The following SLC1A7 variants were observed in gnomAD, a reference collection of about 807,000 sequenced individuals.
The protein encoded by SLC1A7 is solute carrier family 1 member 7, also known as excitatory amino acid transporter 5.
Under a neutral mutation model 47.7 loss-of-function variants are expected in SLC1A7, and 40 were observed. The ratio of observed to expected loss-of-function variants is 0.84; its 90% CI spans 0.65 to 1.09. SLC1A7 has a LOEUF of 1.09. Among genes scored for constraint, SLC1A7 ranks in the 50% least tolerant of loss-of-function variants. SLC1A7 has a pLI of 0.00. For missense variants in SLC1A7, 746 were observed against 769.5 expected (o/e 0.97, Z 0.36); for synonymous variants, 323 against 325.6 (o/e 0.99, Z 0.09).
At chr1:53,113,705 T>C (rs1291299003) in intron 3 of SLC1A7, among the ~76,000 whole-genome samples, 1 of 152,100 alleles carries the variant, frequency 6.6e-6, no homozygotes, top group Non-Finnish European at 1.5e-5. Context: ...ATGCCGCTTC[T>C]CTGTATAAAA....
intron 2 of SLC1A7, chr1:53,115,256 T>C: frequency 1.9e-6 from 1 of 521,252 alleles, no homozygotes; most frequent in Non-Finnish European, 3.5e-6. Flanking sequence ...GGGACACTGT[T>C]GGGGGAGTGA....
chr1:53,093,320 A>T, intron 6 of SLC1A7, 141 bp downstream of exon 6: 1 of 683,104 alleles, frequency 1.5e-6, no homozygotes, highest in Non-Finnish European at 2.5e-6. Flanking sequence ...ATGGAAACAC[A>T]TGTAGCTCCG....
At chr1:53,110,671 T>A (rs947714907) in intron 3 of SLC1A7, among the ~76,000 whole-genome samples, 1 of 152,124 alleles carries the variant, frequency 6.6e-6, no homozygotes, top group Non-Finnish European at 1.5e-5. Flanking sequence ...CAAGAAACCA[T>A]GAATCACAGT....
In SLC1A7 at chr1:53,123,849, G is replaced by C. The variant is rs561993743; in HGVS notation, c.216-8876C>G. 7.9e-5 allele frequency among the ~76,000 whole-genome samples: 12 copies of C among 152,334 alleles called. No individual in the cohort carries two copies. In the East Asian group the frequency reaches 2.3e-3, roughly 29 times the overall value. On this transcript the variant is annotated intron_variant, in intron 2 of 10. Transcript: ENST00000371494. ...AGGCAAATCATCTGACTGGGCAGAA[G>C]GGCCAAAGGCAGGTCCCAGGGCTCA...
chr1:53,136,054 A>G (rs112499172), intron 1 of SLC1A7, among the ~76,000 whole-genome samples: 11 of 151,830 alleles, frequency 7.2e-5, no homozygotes, highest in African/African-American at 2.4e-4. Flanking sequence ...GACCCACCCA[A>G]TGTTAACCGC....
chr1:53,089,846 G>A lies in SLC1A7; in HGVS notation c.1315C>T (p.Leu439=). ...ATGAGGGTGATGTCATCGGTGGGCA[G>A]TCCCACGGAGGTGAGCACGATGACC... ...TMVIVLTSVG[L]PTDDITLIIA... Residue 439 remains leucine, a synonymous_variant, in exon 9 of 11, where the codon CTG becomes TTG. Transcript: ENST00000371494. 6.2e-7 allele frequency: 1 copy of A among 1,613,956 alleles called. No individual in the cohort carries two copies. The highest frequency in any genetic ancestry group is 8.5e-7 in the Non-Finnish European group (1 of 1,179,986).
At chr1:53,094,799 C>T (rs1486004609) in intron 5 of SLC1A7, among the ~76,000 whole-genome samples, 3 of 152,234 alleles carry the variant, frequency 2.0e-5, no homozygotes, top group African/African-American at 7.2e-5. Context: ...TGGATTTTCC[C>T]AGGGGCATCC....
chr1:53,129,539 C>T (rs1308398433), intron 2 of SLC1A7, among the ~76,000 whole-genome samples: 1 of 135,294 alleles, frequency 7.4e-6, no homozygotes, highest in Non-Finnish European at 1.7e-5. Flanking sequence ...GGGACTTGGG[C>T]CAGGGGCTGG....
At chr1:53,099,415 C>T (rs1769287) in intron 5 of SLC1A7, among the ~76,000 whole-genome samples, 81,559 of 148,556 alleles carry the variant, frequency 0.55, 26,250 homozygotes, top group Non-Finnish European at 0.72. Context: ...CACCTCAGTA[C>T]GCTCACACAG....
chr1:53,093,962 A>C (rs1644455806), intron 5 of SLC1A7, among the ~76,000 whole-genome samples: 1 of 151,950 alleles, frequency 6.6e-6, no homozygotes, highest in South Asian at 2.1e-4. Context: ...GCCTTCTTTA[A>C]GTTTCTGGAA....
At chr1:53,110,010 C>G (rs1164081051) in intron 3 of SLC1A7, among the ~76,000 whole-genome samples, 1 of 152,210 alleles carries the variant, frequency 6.6e-6, no homozygotes, top group East Asian at 1.9e-4. Flanking sequence ...CTTCCCAAAC[C>G]CACCAGCTTC....
At chr1:53,108,342 T>TATAG (rs1370941995) in intron 3 of SLC1A7, 1 of 554,900 alleles carries the variant, frequency 1.8e-6, no homozygotes, top group Non-Finnish European at 3.2e-6. Flanking sequence ...CTTATACCTA[T>TATAG]ATAGACATTT....
At chr1:53,135,164 A>G (rs1487182284) in intron 1 of SLC1A7, among the ~76,000 whole-genome samples, 3 of 152,186 alleles carry the variant, frequency 2.0e-5, no homozygotes, top group Non-Finnish European at 4.4e-5. Context: ...CTGCCTAGCC[A>G]TGGAATAAAA....
In SLC1A7 at chr1:53,087,685, C is replaced by T; in HGVS notation, c.*324G>A. ...TGAGACCTTGGACAAGTGTTTTCAG[C>T]TCTCAGAGCCTCAAGTCTGTCATCC... On this transcript the variant is annotated 3_prime_UTR_variant, in exon 11 of 11. Coordinates refer to ENST00000371494, the MANE Select transcript of SLC1A7 (RefSeq NM_006671.6). 4.6e-6 allele frequency: 1 copy of T among 217,428 alleles called. No homozygotes were observed. The highest frequency in any genetic ancestry group is 2.3e-5 in the African/African-American group (1 of 44,298). 13.5% of individuals were successfully genotyped at this position (217,428 alleles called of 1,614,324 possible).
intron 5 of SLC1A7, among the ~76,000 whole-genome samples, chr1:53,094,716 C>T (rs891067652): frequency 2.0e-5 from 3 of 152,204 alleles, no homozygotes; most frequent in Non-Finnish European, 2.9e-5. Flanking sequence ...GACCCAGACT[C>T]CCCTGCCGGC....
Position 53,090,748 on chromosome 1 carries a change from G to A in SLC1A7, c.1090C>T (p.Arg364Cys), listed in dbSNP as rs753947170. ...CLLENNHIDR[R>C]IARFVLPVGA... ...ACGGGCAGCACGAAGCGAGCGATGCGCCGGTCGATGTGGTTGTTCTCCAGC... is the reference window on the plus strand; with the variant it reads ...ACGGGCAGCACGAAGCGAGCGATGCACCGGTCGATGTGGTTGTTCTCCAGC... Residue 364 changes from arginine to cysteine, a missense_variant, in exon 8 of 11, where the codon CGC becomes TGC. Coordinates refer to ENST00000371494, the MANE Select transcript of SLC1A7 (RefSeq NM_006671.6). 5 of 1,613,702 alleles carry A rather than the reference G, an allele frequency of 3.1e-6. No homozygotes were observed. The highest frequency in any genetic ancestry group is 2.2e-5 in the East Asian group (1 of 44,872).
chr1:53,094,825 G>A (rs1348741669), intron 5 of SLC1A7, among the ~76,000 whole-genome samples: 1 of 152,234 alleles, frequency 6.6e-6, no homozygotes, highest in Non-Finnish European at 1.5e-5. Context: ...CTGGCTGCTG[G>A]GAGCCAGTGT....
intron 5 of SLC1A7, among the ~76,000 whole-genome samples, chr1:53,099,604 G>C (rs1004283840): frequency 4.1e-5 from 6 of 147,200 alleles, no homozygotes; most frequent in African/African-American, 1.5e-4. Context: ...CATACCCATT[G>C]CCTCAGTATA....
intron 2 of SLC1A7, among the ~76,000 whole-genome samples, chr1:53,123,087 G>A (rs568963706): frequency 2.0e-5 from 3 of 152,292 alleles, no homozygotes; most frequent in Non-Finnish European, 4.4e-5. Flanking sequence ...GCAGAAGCTG[G>A]AGGAGCCACA....
Sources: allele counts gnomAD v4.1 joint callset (sites outside exome capture counted in the v4.1 genomes callset), GRCh38; gene constraint gnomAD v4.1.1; transcripts MANE v1.5; gene names NCBI Gene and HGNC (gene_info 2026-07-23, HGNC 2026-07-21).